JAML: variants seen among roughly 807,000 people sequenced by gnomAD.
The protein encoded by JAML is junction adhesion molecule like, also known as junctional adhesion molecule-like.
A neutral mutation model predicts 39.3 loss-of-function variants in JAML; 25 were observed. The observed-to-expected ratio is 0.64, with a 90% CI of 0.46 to 0.89. The LOEUF is 0.89. Ranked by LOEUF, JAML falls within the 40% of genes least tolerant of loss-of-function variation. The pLI is 0.00. For synonymous variants in JAML, 162 were observed against 179.2 expected, an observed-to-expected ratio of 0.90 and a Z score of 0.77; for missense variants, 440 against 486.9, an observed-to-expected ratio of 0.90 and a Z score of 0.91.
At chr11:118,219,143 A>G (rs1949180817) in intron 1 of JAML, among the ~76,000 whole-genome samples, 1 of 152,222 alleles carries the variant, frequency 6.6e-6, no homozygotes, top group African/African-American at 2.4e-5. Flanking sequence ...AAGAGAAGAC[A>G]TACAAATGGC....
At chr11:118,213,969 T>C (rs1049305392) in intron 2 of JAML, among the ~76,000 whole-genome samples, 1 of 152,224 alleles carries the variant, frequency 6.6e-6, no homozygotes, top group African/African-American at 2.4e-5. Context: ...TGTGCATGTT[T>C]GTACACACTC....
In JAML at chr11:118,193,801, C is replaced by G. The variant is rs1948594846; in HGVS notation, c.*524G>C. On this transcript the variant is annotated 3_prime_UTR_variant, in exon 10 of 10. Transcript: ENST00000356289. ...CCTTTCCCAGGACCAAAACCAGCCTCTAGTGTGTTAGCACGGTTTGGCTTT... is the reference window on the plus strand; with the variant it reads ...CCTTTCCCAGGACCAAAACCAGCCTGTAGTGTGTTAGCACGGTTTGGCTTT... 6.3e-6 allele frequency: 1 copy of G among 159,632 alleles called. No homozygotes were observed. Among genetic ancestry groups the G allele is most frequent in the African/African-American group, 2.4e-5 (1 of 41,588 alleles). The allele number at this position is 159,632 out of a possible 1,614,324, so 9.9% of individuals were successfully genotyped here.
chr11:118,202,364 T>C (rs1948820968), intron 6 of JAML: 1 of 153,164 alleles, frequency 6.5e-6, no homozygotes, highest in South Asian at 2.0e-4. Context: ...AGAATGGAGC[T>C]GGAGTAATTA....
intron 1 of JAML, among the ~76,000 whole-genome samples, chr11:118,217,389 A>T (rs991097404): frequency 2.0e-5 from 3 of 152,228 alleles, no homozygotes; most frequent in African/African-American, 7.2e-5. Flanking sequence ...CTTCAAACAA[A>T]TGCTAAGAAA....
At chr11:118,210,849 T>C (rs1342929113) in intron 3 of JAML, 137 bp from the exon 4 acceptor site, 3 of 688,550 alleles carry the variant, frequency 4.4e-6, no homozygotes, top group Non-Finnish European at 7.4e-6. Flanking sequence ...ACCCAGTTAA[T>C]AAAAATAATG....
chr11:118,203,857 C>T (rs1948865261), intron 5 of JAML, 192 bp from the exon 6 acceptor site: 1 of 566,164 alleles, frequency 1.8e-6, no homozygotes, highest in Non-Finnish European at 3.2e-6. Context: ...TTGTGAAGGA[C>T]ATCACAAAAC....
chr11:118,220,935 C>G (rs891558769), intron 1 of JAML, among the ~76,000 whole-genome samples: 2 of 152,232 alleles, frequency 1.3e-5, no homozygotes, highest in African/African-American at 4.8e-5. Context: ...AGTGGGCTCT[C>G]TGCCCCCGCT....
intron 4 of JAML, among the ~76,000 whole-genome samples, chr11:118,206,259 A>G (rs550524138): frequency 6.6e-6 from 1 of 152,242 alleles, no homozygotes; most frequent in South Asian, 2.1e-4. Flanking sequence ...ACATGTACCA[A>G]GCCTGAGGGT....
At chr11:118,209,324 T>A in intron 4 of JAML, 1 of 160,850 alleles carries the variant, frequency 6.2e-6, no homozygotes, top group Non-Finnish European at 1.4e-5. Flanking sequence ...GCCCAATGAA[T>A]ACAACAGGAA....
intron 3 of JAML, 40 bp from the exon 4 acceptor site, chr11:118,210,752 G>A (rs866907274): frequency 8.4e-6 from 13 of 1,552,664 alleles, no homozygotes; most frequent in East Asian, 2.2e-5. Flanking sequence ...CAAAAGAGGT[G>A]CCAGACCGAG....
At chr11:118,198,612 T>C (rs535158466) in intron 7 of JAML, among the ~76,000 whole-genome samples, 3 of 151,020 alleles carry the variant, frequency 2.0e-5, no homozygotes, top group African/African-American at 7.3e-5. Context: ...TGGCCTTTGA[T>C]CTCATGACCA....
In JAML at chr11:118,210,669, AT is replaced by A. The variant is rs768113372; in HGVS notation, c.241del (p.Ile81LeufsTer10). On this transcript the variant is annotated frameshift_variant, in exon 4 of 10. Coordinates refer to ENST00000356289, the MANE Select transcript of JAML (RefSeq NM_001098526.2). LOFTEE classifies it high-confidence loss of function. ...LYYYSNLSVP[I>X]GRFQNRVHLM... is the part of the protein sequence containing the mutation. Reference sequence around the variant, plus strand: ...GTGTACGCGGTTCTGGAAGCGCCCAATAGGCACACTGAGATTGGAGTAATAG... The same window carrying A: ...GTGTACGCGGTTCTGGAAGCGCCCAAAGGCACACTGAGATTGGAGTAATAG... 1 of 1,614,224 alleles carries A rather than the reference AT, an allele frequency of 6.2e-7. No individual in the cohort carries two copies. Among genetic ancestry groups the A allele is most frequent in the Non-Finnish European group, 8.5e-7 (1 of 1,180,012 alleles).
chr11:118,207,129 T>TA (rs1472291590), intron 4 of JAML, among the ~76,000 whole-genome samples: 1 of 152,196 alleles, frequency 6.6e-6, no homozygotes, highest in African/African-American at 2.4e-5. Flanking sequence ...TTGAAAGCGA[T>TA]AAAAAAGTTA....
chr11:118,200,718 G>A, intron 6 of JAML, 106 bp from the exon 7 acceptor site: 1 of 1,342,638 alleles, frequency 7.4e-7, no homozygotes, highest in Non-Finnish European at 1.0e-6. Context: ...GAAGCGGAGG[G>A]GAAGGCCAGA....
rs1342637774 is a variant in JAML at position 118,196,727 on chromosome 11, A to G, written c.1092+8T>C. ...ACCTGGCTCAGCTGAGGCCAGAATC[A>G]TTCTCACCATGGTCATGTAGGTGGC... On this transcript the variant is annotated splice_region_variant and intron_variant, in intron 9 of 9. Coordinates refer to ENST00000356289, the MANE Select transcript of JAML (RefSeq NM_001098526.2). 4.4e-6 allele frequency: 7 copies of G among 1,604,892 alleles called. No homozygotes were observed. In the Admixed American group the frequency reaches 8.3e-5, roughly 19 times the overall value.
In JAML at chr11:118,193,733, C is replaced by T. The variant is rs2134634931; in HGVS notation, c.*592G>A. Reference sequence around the variant, plus strand: ...AATGAAGAACCACTGAGTTAAATCCCAAAACTGTATTCATACCCTACTTCC... The same window carrying T: ...AATGAAGAACCACTGAGTTAAATCCTAAAACTGTATTCATACCCTACTTCC... On this transcript the variant is annotated 3_prime_UTR_variant, in exon 10 of 10. Transcript: ENST00000356289. The T allele has an allele frequency of 6.5e-6, 1 of 152,992 alleles. No homozygotes were observed. The highest frequency in any genetic ancestry group is 2.1e-4 in the South Asian group (1 of 4,878). 9.5% of individuals were successfully genotyped at this position (152,992 alleles called of 1,614,324 possible).
chr11:118,214,934 A>C, intron 1 of JAML, 48 bp from the exon 2 acceptor site: 8 of 1,558,946 alleles, frequency 5.1e-6, no homozygotes, highest in Non-Finnish European at 7.1e-6. Context: ...AGAGAAGCTC[A>C]TTAATTTAAA....
intron 1 of JAML, among the ~76,000 whole-genome samples, chr11:118,216,327 C>T (rs1005602745): frequency 2.6e-5 from 4 of 151,496 alleles, no homozygotes; most frequent in Non-Finnish European, 5.9e-5. Context: ...CGAGATCACG[C>T]CACTGCACTC....
Position 118,205,949 on chromosome 11 carries a change from A to G in JAML, c.467T>C (p.Val156Ala), listed in dbSNP as rs760042554. ...GTGTTTCACTTCTGTGCTCTGGAAA[A>G]CACATCCCATCTGAATCAATCCACC... Reference protein sequence around the residue: ...HVGGLIQMGCVFQSTEVKHVT... With the variant: ...HVGGLIQMGCAFQSTEVKHVT... The change falls in exon 5 of 10, where the codon GTT (valine) becomes GCT (alanine). Residue 156 changes from valine (V) to alanine (A), a missense_variant. Coordinates refer to ENST00000356289, the MANE Select transcript of JAML (RefSeq NM_001098526.2). The G allele has an allele frequency of 3.1e-6, 5 of 1,614,134 alleles. No homozygotes were observed. The highest frequency in any genetic ancestry group is 3.4e-6 in the Non-Finnish European group (4 of 1,179,990).
Sources: allele counts gnomAD v4.1 joint callset (sites outside exome capture counted in the v4.1 genomes callset), GRCh38; gene constraint gnomAD v4.1.1; transcripts MANE v1.5; gene names NCBI Gene and HGNC (gene_info 2026-07-23, HGNC 2026-07-21).